CDH4: variants seen among roughly 807,000 people sequenced by gnomAD.
CDH4 encodes cadherin-4.
A neutral mutation model predicts 86.0 loss-of-function variants in CDH4; 33 were observed. The observed-to-expected ratio is 0.38, with a 90% CI of 0.29 to 0.51. CDH4 has a LOEUF of 0.51. CDH4 is among the 20% of genes least tolerant of loss of function. The pLI, the probability that CDH4 is intolerant of heterozygous loss-of-function variation, is 0.86. For missense variants in CDH4, 1,114 were observed against 1,307.4 expected (o/e 0.85, Z 2.28); for synonymous variants, 555 against 549.4 (o/e 1.01, Z -0.14).
chr20:61,498,295 C>T (rs1019106607), intron 2 of CDH4, among the ~76,000 whole-genome samples: 10 of 152,040 alleles, frequency 6.6e-5, no homozygotes, highest in African/African-American at 2.2e-4. Flanking sequence ...ACCGGTTGGC[C>T]GGTTGATTTT....
At position 61,652,955 on chromosome 20, in the gene CDH4, T is replaced by A. The variant is rs1225399204; in HGVS notation, c.170-90608T>A. Among the ~76,000 whole-genome samples the A allele has an allele frequency of 3.6e-3, 440 of 122,920 alleles. 16 individuals are homozygous for A. Among genetic ancestry groups the A allele is most frequent in the Non-Finnish European group, 6.2e-3 (327 of 52,960 alleles). The allele number at this position is 122,920 out of a possible 152,430, so 80.6% of individuals were successfully genotyped here. A position where few individuals can be genotyped will look rare whatever the true frequency, so the allele number is the denominator to read the frequency against. ...ATTTATTTATTTTTTTTTTTTTTTTTATTGATCATTCTTGGGTGTTTCTCG... is the reference window on the plus strand; with the variant it reads ...ATTTATTTATTTTTTTTTTTTTTTTAATTGATCATTCTTGGGTGTTTCTCG... On this transcript the variant is annotated intron_variant, in intron 2 of 15. Transcript: ENST00000614565.
intron 2 of CDH4, among the ~76,000 whole-genome samples, chr20:61,653,332 AC>A (rs1310948518): frequency 7.3e-6 from 1 of 136,224 alleles, no homozygotes; most frequent in Admixed American, 7.4e-5. Flanking sequence ...TCCCATGTCT[AC>A]CTCTTTCTAC....
chr20:61,331,147 C>T (rs763911196), intron 2 of CDH4, among the ~76,000 whole-genome samples: 4 of 152,084 alleles, frequency 2.6e-5, no homozygotes, highest in South Asian at 2.1e-4. Flanking sequence ...TCTTGGGGCT[C>T]GGCGTCTCTG....
intron 2 of CDH4, among the ~76,000 whole-genome samples, chr20:61,528,463 G>GAGGGGAGGGGGGT (rs2085928317): frequency 1.0e-5 from 1 of 96,866 alleles, no homozygotes. Flanking sequence ...GAGGGGGAGA[G>GAGGGGAGGGGGGT]GGAGGGGGAG....
intron 9 of CDH4, among the ~76,000 whole-genome samples, chr20:61,916,952 C>T (rs1467556305): frequency 6.6e-6 from 1 of 152,232 alleles, no homozygotes; most frequent in Non-Finnish European, 1.5e-5. Flanking sequence ...ATGCTCTGGG[C>T]TGATGCAGTG....
intron 2 of CDH4, among the ~76,000 whole-genome samples, chr20:61,497,317 G>A (rs1019381987): frequency 6.6e-6 from 1 of 151,954 alleles, no homozygotes; most frequent in African/African-American, 2.4e-5. Context: ...CTCCTTTCTT[G>A]TGTTAATTAA....
chr20:61,733,274 C>A (rs1009571367), intron 2 of CDH4, among the ~76,000 whole-genome samples: 2 of 152,132 alleles, frequency 1.3e-5, no homozygotes, highest in East Asian at 3.8e-4. Context: ...CATTTACATG[C>A]CCAGGGGTCT....
At chr20:61,694,178 A>G (rs1157489070) in intron 2 of CDH4, among the ~76,000 whole-genome samples, 5 of 152,126 alleles carry the variant, frequency 3.3e-5, no homozygotes, top group Non-Finnish European at 1.5e-5. Context: ...CACCATGCCC[A>G]GACCCAGACA....
chr20:61,639,143 G>A (rs180725717), intron 2 of CDH4, among the ~76,000 whole-genome samples: 6 of 152,356 alleles, frequency 3.9e-5, no homozygotes, highest in Admixed American at 1.3e-4. Flanking sequence ...AGTATCTGGC[G>A]ACGGTTCTGA....
chr20:61,672,389 G>A (rs918614565), intron 2 of CDH4, among the ~76,000 whole-genome samples: 1 of 152,132 alleles, frequency 6.6e-6, no homozygotes, highest in South Asian at 2.1e-4. Flanking sequence ...CTGTCCTGGA[G>A]ATTCCAAGAC....
chr20:61,497,666 A>G (rs2085672015), intron 2 of CDH4, among the ~76,000 whole-genome samples: 1 of 152,178 alleles, frequency 6.6e-6, no homozygotes, highest in Non-Finnish European at 1.5e-5. Context: ...TCAAGGATCT[A>G]GAACTAGAAA....
At chr20:61,508,626 G>A (rs1356540892) in intron 2 of CDH4, among the ~76,000 whole-genome samples, 2 of 152,242 alleles carry the variant, frequency 1.3e-5, no homozygotes, top group Non-Finnish European at 2.9e-5. Context: ...GTGGCAGGAG[G>A]GGGCATCCAA....
Position 61,565,363 on chromosome 20 carries a change from A to ATGGTGGTGG in CDH4, c.170-178195_170-178187dup, listed in dbSNP as rs1464660831. Among the ~76,000 whole-genome samples the ATGGTGGTGG allele has an allele frequency of 1.3e-4, 2 of 15,516 alleles. 1 individual carries two copies. The highest frequency in any genetic ancestry group is 2.2e-4 in the Non-Finnish European group (2 of 9,172). The allele number at this position is 15,516 out of a possible 152,430, so 10.2% of individuals were successfully genotyped here. A position where few individuals can be genotyped will look rare whatever the true frequency, so the allele number is the denominator to read the frequency against. On this transcript the variant is annotated intron_variant, in intron 2 of 15. Coordinates refer to ENST00000614565, the MANE Select transcript of CDH4 (RefSeq NM_001794.5). ...TAGTGGTCCTCTTGGTGATGGGGTG[A>ATGGTGGTGG]TGGTGGTGGTGGTCCTCTTGGTGAT...
intron 2 of CDH4, among the ~76,000 whole-genome samples, chr20:61,657,906 A>G (rs1209729923): frequency 6.6e-6 from 1 of 152,184 alleles, no homozygotes; most frequent in Non-Finnish European, 1.5e-5. Context: ...GGAAGGACAC[A>G]TGTGGAGTGA....
intron 2 of CDH4, among the ~76,000 whole-genome samples, chr20:61,571,473 C>T (rs777261228): frequency 2.0e-5 from 3 of 152,134 alleles, no homozygotes; most frequent in Non-Finnish European, 4.4e-5. Context: ...GCTCCGTGGG[C>T]CACGTGATCA....
intron 2 of CDH4, among the ~76,000 whole-genome samples, chr20:61,583,155 G>GC (rs2086442648): frequency 7.8e-6 from 1 of 128,304 alleles, no homozygotes; most frequent in Admixed American, 7.8e-5. Flanking sequence ...CTCTGCGGAG[G>GC]GACAGAGGGC....
At chr20:61,646,608 C>G (rs917713184) in intron 2 of CDH4, among the ~76,000 whole-genome samples, 1 of 152,188 alleles carries the variant, frequency 6.6e-6, no homozygotes, top group Non-Finnish European at 1.5e-5. Context: ...AAAGAGGGGC[C>G]GTGCCCTGGG....
In CDH4 at chr20:61,613,138, T is replaced by C. The variant is rs944142655; in HGVS notation, c.170-130425T>C. Reference sequence around the variant, plus strand: ...TCTTTTCTCACCTCCACAAGTTTCCTCGGAAAAAACAGGGGCTTTTCTTCT... The same window carrying C: ...TCTTTTCTCACCTCCACAAGTTTCCCCGGAAAAAACAGGGGCTTTTCTTCT... On this transcript the variant is annotated intron_variant, in intron 2 of 15. Transcript: ENST00000614565. Among the ~76,000 whole-genome samples, 3 of 152,008 alleles carry C rather than the reference T, an allele frequency of 2.0e-5. 1 individual carries two copies. The highest frequency in any genetic ancestry group is 7.3e-5 in the African/African-American group (3 of 41,314).
chr20:61,518,392 TTC>T lies in CDH4; in HGVS notation c.170-225167_170-225166del, dbSNP rs1292773899. On this transcript the variant is annotated intron_variant, in intron 2 of 15. Coordinates refer to ENST00000614565, the MANE Select transcript of CDH4 (RefSeq NM_001794.5). The surrounding 1 kb of genome is among the most constrained non-coding windows in gnomAD (Gnocchi z 6.3). ...TCAGATAGGCTGGAATTTGGCCAAA[TTC>T]TCTGTTATGATGAGGCTGTCCATCA... 2.0e-5 allele frequency among the ~76,000 whole-genome samples: 3 copies of T among 152,082 alleles called. No homozygotes were observed. Among genetic ancestry groups the T allele is most frequent in the Non-Finnish European group, 4.4e-5 (3 of 67,988 alleles).
Sources: gnomAD v4.1 joint callset for allele counts (sites outside exome capture counted in the v4.1 genomes callset) on GRCh38, gnomAD v4.1.1 for gene constraint, Gnocchi (gnomAD v3.1) non-coding constraint, MANE v1.5 for transcripts, NCBI Gene and HGNC (gene_info 2026-07-23, HGNC 2026-07-21) for gene names.